NELL1: variants seen among roughly 807,000 people sequenced by gnomAD.
NELL1 encodes the protein neural EGFL like 1, also known as protein kinase C-binding protein NELL1.
Under a neutral mutation model 107.4 loss-of-function variants are expected in NELL1, and 76 were observed. The ratio of observed to expected loss-of-function variants is 0.71; its 90% CI spans 0.59 to 0.86. The LOEUF is 0.86. Ranked by LOEUF, NELL1 falls within the 40% of genes least tolerant of loss-of-function variation. The pLI is 0.00. For missense variants in NELL1, 1,024 were observed against 1,005.5 expected, an observed-to-expected ratio of 1.02 and a Z score of -0.25; for synonymous variants, 353 against 341.2, an observed-to-expected ratio of 1.03 and a Z score of -0.38.
intron 12 of NELL1, among the ~76,000 whole-genome samples, chr11:21,093,031 A>G (rs78683194): frequency 1.8e-4 from 27 of 152,270 alleles, no homozygotes; most frequent in African/African-American, 6.5e-4. Context: ...GAACAGGGCT[A>G]GGCAGGCAGT....
In NELL1 at chr11:21,178,877, C is replaced by A. The variant is rs368286724; in HGVS notation, c.1427-50455C>A. ...GAAAATGGAGGTTTTTATGATTAGACAAAAACTGGAAGGTAACCCATGTGG... is the reference window on the plus strand; with the variant it reads ...GAAAATGGAGGTTTTTATGATTAGAAAAAAACTGGAAGGTAACCCATGTGG... On this transcript the variant is annotated intron_variant, in intron 13 of 19. Coordinates refer to ENST00000357134, the MANE Select transcript of NELL1 (RefSeq NM_006157.5). 5.3e-5 allele frequency among the ~76,000 whole-genome samples: 8 copies of A among 151,550 alleles called. No homozygotes were observed. In the East Asian group the frequency reaches 1.2e-3, roughly 22 times the overall value.
chr11:21,358,293 A>G (rs1016609518), intron 14 of NELL1, among the ~76,000 whole-genome samples: 1 of 152,062 alleles, frequency 6.6e-6, no homozygotes, highest in African/African-American at 2.4e-5. Flanking sequence ...ATGTGTCTCC[A>G]TTTGTTTGTG....
intron 4 of NELL1, among the ~76,000 whole-genome samples, chr11:20,849,627 G>A (rs1253140849): frequency 1.3e-5 from 2 of 152,126 alleles, no homozygotes; most frequent in African/African-American, 4.8e-5. Context: ...ACTTTGGCTT[G>A]TGGCATAACA....
At chr11:21,262,927 T>C (rs976972478) in intron 14 of NELL1, among the ~76,000 whole-genome samples, 1 of 151,924 alleles carries the variant, frequency 6.6e-6, no homozygotes, top group Admixed American at 6.6e-5. Context: ...TTTCAATTTT[T>C]ATACTTGTCT....
At chr11:20,699,927 A>T (rs576844232) in intron 2 of NELL1, among the ~76,000 whole-genome samples, 94 of 152,262 alleles carry the variant, frequency 6.2e-4, no homozygotes, top group African/African-American at 2.1e-3. Flanking sequence ...TTTTTATCAC[A>T]TCCATGCCAA....
At chr11:20,684,544 T>G (rs909464124) in intron 2 of NELL1, among the ~76,000 whole-genome samples, 2 of 152,126 alleles carry the variant, frequency 1.3e-5, no homozygotes, top group Non-Finnish European at 2.9e-5. Context: ...TAATCGAAAA[T>G]TCTAATAATT....
intron 12 of NELL1, among the ~76,000 whole-genome samples, chr11:20,978,572 T>C (rs554786959): frequency 6.6e-6 from 1 of 152,296 alleles, no homozygotes; most frequent in African/African-American, 2.4e-5. Context: ...TTTGGGCAAC[T>C]CTTATTTTAC....
At chr11:21,151,885 G>A (rs1023532140) in intron 13 of NELL1, among the ~76,000 whole-genome samples, 1 of 152,178 alleles carries the variant, frequency 6.6e-6, no homozygotes, top group African/African-American at 2.4e-5. Context: ...AGATATGTCT[G>A]GAGGTATCAC....
At chr11:21,562,994 T>C (rs932486951) in intron 17 of NELL1, among the ~76,000 whole-genome samples, 2 of 152,070 alleles carry the variant, frequency 1.3e-5, no homozygotes, top group Non-Finnish European at 2.9e-5. Context: ...GGCTTTTGTT[T>C]AGATTCTATG....
chr11:21,475,272 T>A (rs1368760128), intron 15 of NELL1, among the ~76,000 whole-genome samples: 1 of 152,158 alleles, frequency 6.6e-6, no homozygotes, highest in African/African-American at 2.4e-5. Flanking sequence ...GTCATTTTAA[T>A]TGGAAGTATT....
intron 15 of NELL1, among the ~76,000 whole-genome samples, chr11:21,475,736 A>C (rs1022129170): frequency 6.6e-6 from 1 of 152,200 alleles, no homozygotes; most frequent in African/African-American, 2.4e-5. Flanking sequence ...ATCCATTGAA[A>C]AATGTTGGAT....
intron 14 of NELL1, among the ~76,000 whole-genome samples, chr11:21,292,374 A>G (rs1489084363): frequency 2.6e-5 from 4 of 152,186 alleles, no homozygotes; most frequent in Non-Finnish European, 5.9e-5. Context: ...CTTATGAGGG[A>G]TGTGAAGGAC....
intron 5 of NELL1, among the ~76,000 whole-genome samples, 188 bp from the exon 6 acceptor site, chr11:20,917,994 T>A (rs181864028): frequency 6.6e-6 from 1 of 152,084 alleles, no homozygotes; most frequent in Non-Finnish European, 1.5e-5. Context: ...TCCACATAAA[T>A]GTACAATTTG....
intron 14 of NELL1, among the ~76,000 whole-genome samples, chr11:21,337,417 C>A (rs940602378): frequency 6.6e-6 from 1 of 152,186 alleles, no homozygotes; most frequent in Non-Finnish European, 1.5e-5. Context: ...CACATAAAAT[C>A]TGATATGCTT....
At chr11:21,175,763 C>G (rs543088681) in intron 13 of NELL1, among the ~76,000 whole-genome samples, 1 of 151,964 alleles carries the variant, frequency 6.6e-6, no homozygotes, top group East Asian at 1.9e-4. Flanking sequence ...GATGTTTTGT[C>G]TTTGTGCACA....
intron 14 of NELL1, among the ~76,000 whole-genome samples, chr11:21,295,962 AAGACTCTCAT>A (rs531775851): frequency 1.3e-3 from 202 of 152,186 alleles, no homozygotes; most frequent in Admixed American, 2.9e-3. Flanking sequence ...TCTACTGATG[AAGACTCTCAT>A]ATGGGCTCTG....
intron 3 of NELL1, among the ~76,000 whole-genome samples, chr11:20,787,188 C>T (rs977019062): frequency 2.0e-5 from 3 of 151,088 alleles, no homozygotes; most frequent in East Asian, 3.9e-4. Context: ...ATGCCCTGTT[C>T]CATGTGTGTG....
intron 15 of NELL1, among the ~76,000 whole-genome samples, chr11:21,403,289 C>T (rs1054403365): frequency 6.6e-6 from 1 of 151,658 alleles, no homozygotes; most frequent in African/African-American, 2.4e-5. Context: ...ATATAGTCTA[C>T]CTGTGTCAGT....
intron 4 of NELL1, among the ~76,000 whole-genome samples, chr11:20,864,257 G>A (rs1339291620): frequency 6.6e-6 from 1 of 152,166 alleles, no homozygotes; most frequent in African/African-American, 2.4e-5. Flanking sequence ...TTGTGGAATG[G>A]TTAGAACTAG....
Sources: allele counts gnomAD v4.1 joint callset (sites outside exome capture counted in the v4.1 genomes callset), GRCh38; gene constraint gnomAD v4.1.1; transcripts MANE v1.5; gene names NCBI Gene and HGNC (gene_info 2026-07-23, HGNC 2026-07-21).